CNIH1: variants seen among roughly 807,000 people sequenced by gnomAD.
The protein encoded by CNIH1 is cornichon family member 1.
In CNIH1, 12 loss-of-function variants were observed where a neutral mutation model predicts 20.2. The observed-to-expected ratio is 0.59, with a 90% CI of 0.38 to 0.96. The LOEUF (loss-of-function observed/expected upper bound fraction) is 0.96. Ranked by LOEUF, CNIH1 falls within the 40% of genes least tolerant of loss-of-function variation. The probability of loss-of-function intolerance (pLI) is 0.00; values close to 1 mark genes in which losing one functional copy is unlikely to be tolerated. For missense variants in CNIH1, 152 were observed against 178.8 expected, an observed-to-expected ratio of 0.85 and a Z score of 0.85; for synonymous variants, 69 against 63.3, an observed-to-expected ratio of 1.09 and a Z score of -0.43.
intron 1 of CNIH1, among the ~76,000 whole-genome samples, chr14:54,440,309 T>A (rs2031144106): frequency 6.6e-6 from 1 of 152,152 alleles, no homozygotes; most frequent in East Asian, 1.9e-4. Context: ...GAGAAGCAAG[T>A]ATGAGATAAA....
At chr14:54,431,329 T>A (rs1167080284) in intron 3 of CNIH1, among the ~76,000 whole-genome samples, 2 of 152,122 alleles carry the variant, frequency 1.3e-5, no homozygotes, top group Non-Finnish European at 2.9e-5. Context: ...GGTTTCACCA[T>A]CTTGGCCAGG....
In CNIH1 at chr14:54,428,677, C is replaced by T. The variant is rs73254775; in HGVS notation, c.408-836G>A. 1.5e-3 allele frequency among the ~76,000 whole-genome samples: 230 copies of T among 152,274 alleles called. 1 individual carries two copies. The highest frequency in any genetic ancestry group is 5.1e-3 in the African/African-American group (212 of 41,536). ...ATGAAGTGCCTATCATACACCAGCC[C>T]GTTCCAGACATTTGCTATGGAAACT... On this transcript the variant is annotated intron_variant, in intron 4 of 4. Transcript: ENST00000216416.
Position 54,424,063 on chromosome 14 carries a change from A to T in CNIH1, c.*3751T>A, listed in dbSNP as rs1239853026. On this transcript the variant is annotated 3_prime_UTR_variant, in exon 5 of 5. Transcript: ENST00000216416. ...AGAAAGCTAGTCAATATATTTAGCA[A>T]TAGAACCACTCTTTTACTTTTGATA... 1 of 152,260 alleles carries T rather than the reference A, an allele frequency of 6.6e-6. No individual in the cohort carries two copies. Among genetic ancestry groups the T allele is most frequent in the Admixed American group, 6.5e-5 (1 of 15,286 alleles). 9.4% of individuals were successfully genotyped at this position (152,260 alleles called of 1,614,324 possible).
chr14:54,441,115 C>G, intron 1 of CNIH1, 132 bp downstream of exon 1: 3 of 944,222 alleles, frequency 3.2e-6, no homozygotes, highest in Non-Finnish European at 2.7e-6. Flanking sequence ...CCTCGCCGCG[C>G]GGCCCGTGCC....
Position 54,427,731 on chromosome 14 carries a change from G to T in CNIH1, c.*83C>A. Reference sequence around the variant, plus strand: ...TGATCAGATTCCACAGGCTACTCTTGGACAGGATCTTGCTGGATAGAATCC... The same window carrying T: ...TGATCAGATTCCACAGGCTACTCTTTGACAGGATCTTGCTGGATAGAATCC... On this transcript the variant is annotated 3_prime_UTR_variant, in exon 5 of 5. Coordinates refer to ENST00000216416, the MANE Select transcript of CNIH1 (RefSeq NM_005776.3). 2.1e-6 allele frequency: 3 copies of T among 1,418,726 alleles called. No individual in the cohort carries two copies. Among genetic ancestry groups the T allele is most frequent in the South Asian group, 1.2e-5 (1 of 83,816 alleles). 87.9% of individuals were successfully genotyped at this position (1,418,726 alleles called of 1,614,324 possible).
rs904808564 is a variant in CNIH1, at chr14:54,426,147, G to A, written c.*1667C>T. On this transcript the variant is annotated 3_prime_UTR_variant, in exon 5 of 5. Transcript: ENST00000216416. ...AATTTGTTACATGAACTGACCAAGA[G>A]TCAGATCCCTCTAGTTCTCCAGACT... The A allele has an allele frequency of 6.6e-6, 1 of 152,170 alleles. No homozygotes were observed. Among genetic ancestry groups the A allele is most frequent in the Non-Finnish European group, 1.5e-5 (1 of 68,032 alleles). 9.4% of individuals were successfully genotyped at this position (152,170 alleles called of 1,614,324 possible). A position where few individuals can be genotyped will look rare whatever the true frequency, so the allele number is the denominator to read the frequency against.
At chr14:54,428,462 G>C (rs1309507542) in intron 4 of CNIH1, among the ~76,000 whole-genome samples, 1 of 152,198 alleles carries the variant, frequency 6.6e-6, no homozygotes, top group African/African-American at 2.4e-5. Flanking sequence ...CGGCATAGGG[G>C]CATGATTCAA....
chr14:54,440,410 G>A (rs1369423167), intron 1 of CNIH1, among the ~76,000 whole-genome samples: 2 of 152,206 alleles, frequency 1.3e-5, no homozygotes, highest in African/African-American at 4.8e-5. Context: ...CTATGTCACA[G>A]GGAACTTACG....
At chr14:54,435,870 T>TA (rs1485481252) in intron 2 of CNIH1, among the ~76,000 whole-genome samples, 2 of 152,008 alleles carry the variant, frequency 1.3e-5, no homozygotes, top group Non-Finnish European at 2.9e-5. Flanking sequence ...GGCTATAACA[T>TA]AAAAAAACGC....
chr14:54,438,385 T>C (rs960019790), intron 1 of CNIH1, among the ~76,000 whole-genome samples: 1 of 152,186 alleles, frequency 6.6e-6, no homozygotes, highest in Non-Finnish European at 1.5e-5. Flanking sequence ...TCAAATCTTT[T>C]TGCAGCTATG....
Position 54,441,259 on chromosome 14 carries a change from G to A in CNIH1, c.69C>T (p.Phe23=), listed in dbSNP as rs1168482133. The A allele has an allele frequency of 6.1e-5, 92 of 1,518,240 alleles. No individual in the cohort carries two copies. Among genetic ancestry groups the A allele is most frequent in the Non-Finnish European group, 7.6e-5 (86 of 1,130,770 alleles). 94.0% of individuals were successfully genotyped at this position (1,518,240 alleles called of 1,614,324 possible). A position where few individuals can be genotyped will look rare whatever the true frequency, so the allele number is the denominator to read the frequency against. The part of the protein sequence containing the change: ...ALLLTAALIF[F]AIWHIIAFDE... The stretch of plus-strand genomic sequence containing the variant: ...CCCAGCTACTCACGTGCCAAATGGC[G>A]AAGAAGATGAGCGCGGCAGTGAGCA... The change falls in exon 1 of 5, where the codon TTC becomes TTT. Residue 23 remains phenylalanine (F), a synonymous_variant. Coordinates refer to ENST00000216416, the MANE Select transcript of CNIH1 (RefSeq NM_005776.3).
chr14:54,438,103 C>T lies in CNIH1; in HGVS notation c.82-1666G>A, dbSNP rs2031092666. 3.3e-5 allele frequency among the ~76,000 whole-genome samples: 5 copies of T among 152,056 alleles called. No individual in the cohort carries two copies. In the South Asian group the frequency reaches 1.0e-3, roughly 32 times the overall value. On this transcript the variant is annotated intron_variant, in intron 1 of 4. Transcript: ENST00000216416. ...CAAATGATTCTCCTGCCTCAGCCTC[C>T]GGAGTAGCTGGGACTACAGGTGCAT...
Position 54,427,520 on chromosome 14 carries a change from G to C in CNIH1, c.*294C>G, listed in dbSNP as rs1421058849. Reference sequence around the variant, plus strand: ...CAGTCAGTAATTAATGCATCATTCAGAGGATTATGGCTGTTCCTTAAGAAG... The same window carrying C: ...CAGTCAGTAATTAATGCATCATTCACAGGATTATGGCTGTTCCTTAAGAAG... On this transcript the variant is annotated 3_prime_UTR_variant, in exon 5 of 5. Coordinates refer to ENST00000216416, the MANE Select transcript of CNIH1 (RefSeq NM_005776.3). The C allele has an allele frequency of 5.3e-6, 2 of 379,094 alleles. No individual in the cohort carries two copies. The highest frequency in any genetic ancestry group is 8.4e-5 in the Admixed American group (2 of 23,814). 23.5% of individuals were successfully genotyped at this position (379,094 alleles called of 1,614,324 possible).
intron 4 of CNIH1, among the ~76,000 whole-genome samples, chr14:54,428,543 A>G (rs1333513066): frequency 2.6e-5 from 4 of 152,170 alleles, no homozygotes; most frequent in Admixed American, 2.6e-4. Context: ...AAACACAACA[A>G]ATGTCCTGGT....
chr14:54,441,158 G>C, intron 1 of CNIH1, 89 bp downstream of exon 1: 1 of 1,269,862 alleles, frequency 7.9e-7, no homozygotes, highest in Non-Finnish European at 1.0e-6. Flanking sequence ...GCAAAGCCCC[G>C]GCGGCCGTGG....
At chr14:54,436,076 C>T in intron 2 of CNIH1, 1 of 702,228 alleles carries the variant, frequency 1.4e-6, no homozygotes. Context: ...AAGCAGTACA[C>T]ACCTTTAATG....
intron 1 of CNIH1, 169 bp from the exon 2 acceptor site, chr14:54,436,606 C>G: frequency 1.7e-6 from 1 of 580,408 alleles, no homozygotes; most frequent in Non-Finnish European, 3.1e-6. Context: ...AACCAGAATG[C>G]GATTTAAAGT....
chr14:54,426,980 G>T lies in CNIH1; in HGVS notation c.*834C>A, dbSNP rs1319401045. ...ATTGCACTAAAGGAACAGCAGGATG[G>T]TTATACAATTTTCTCTCATTCAGTT... On this transcript the variant is annotated 3_prime_UTR_variant, in exon 5 of 5. Coordinates refer to ENST00000216416, the MANE Select transcript of CNIH1 (RefSeq NM_005776.3). The T allele has an allele frequency of 6.6e-6, 1 of 152,100 alleles. No individual in the cohort carries two copies. The highest frequency in any genetic ancestry group is 2.4e-5 in the African/African-American group (1 of 41,420). The allele number at this position is 152,100 out of a possible 1,614,324, so 9.4% of individuals were successfully genotyped here. A position where few individuals can be genotyped will look rare whatever the true frequency, so the allele number is the denominator to read the frequency against.
rs1413599633 is a variant in CNIH1, at chr14:54,426,855, A to G, written c.*959T>C. On this transcript the variant is annotated 3_prime_UTR_variant, in exon 5 of 5. Transcript: ENST00000216416. ...TAGTACGTCACTTTTTAAAAATGAC[A>G]GCAACATGTCTTTATCATGGATTAA... 6.6e-6 allele frequency: 1 copy of G among 152,216 alleles called. No individual in the cohort carries two copies. The highest frequency in any genetic ancestry group is 1.5e-5 in the Non-Finnish European group (1 of 68,018). The allele number at this position is 152,216 out of a possible 1,614,324, so 9.4% of individuals were successfully genotyped here.
Sources: allele counts gnomAD v4.1 joint callset (sites outside exome capture counted in the v4.1 genomes callset), GRCh38; gene constraint gnomAD v4.1.1; transcripts MANE v1.5; gene names NCBI Gene and HGNC (gene_info 2026-07-23, HGNC 2026-07-21).